Variants in NFKB1 observed in about 807,000 individuals in gnomAD.
NFKB1 encodes nuclear factor NF-kappa-B p105 subunit.
NFKB1 carries 9 observed loss-of-function variants against 105.1 expected under a neutral mutation model. The ratio of observed to expected loss-of-function variants is 0.09; its 90% confidence interval spans 0.05 to 0.15. The LOEUF (loss-of-function observed/expected upper bound fraction) is 0.15, where lower values mean the gene tolerates loss of function less well. Among genes scored for constraint, NFKB1 ranks in the 10% least tolerant of loss-of-function variants. NFKB1 has a pLI of 1.00. For missense variants in NFKB1, 830 were observed against 1,203.7 expected, an observed-to-expected ratio of 0.69 and a Z score of 4.59; for synonymous variants, 440 against 442.2, an observed-to-expected ratio of 1.00 and a Z score of 0.06.
intron 1 of NFKB1, among the ~76,000 whole-genome samples, chr4:102,515,619 A>G (rs1740125845): frequency 6.6e-6 from 1 of 151,890 alleles, no homozygotes; most frequent in Non-Finnish European, 1.5e-5. Context: ...GTATTTGTTT[A>G]TTACAATATG....
At position 102,522,643 on chromosome 4, in the gene NFKB1, C is replaced by A. The variant is rs17234923; in HGVS notation, c.-7-2869C>A. 8.4e-3 allele frequency among the ~76,000 whole-genome samples: 1,277 copies of A among 152,290 alleles called. 13 individuals carry two copies. Among genetic ancestry groups the A allele is most frequent in the Middle Eastern group, 0.014 (4 of 294 alleles). On this transcript the variant is annotated intron_variant, in intron 1 of 23. Transcript: ENST00000226574. ...TGTTTACATTCAGAAGTCTGGAAAACCATCCACAGGTTTAAATGTATATAA... is the reference window on the plus strand; with the variant it reads ...TGTTTACATTCAGAAGTCTGGAAAAACATCCACAGGTTTAAATGTATATAA...
chr4:102,560,304 TTAAAA>T (rs1333143040), intron 5 of NFKB1, among the ~76,000 whole-genome samples: 3 of 152,136 alleles, frequency 2.0e-5, no homozygotes, highest in Admixed American at 6.6e-5. Context: ...AAACTGAAAG[TTAAAA>T]TAAAAAAGGA....
intron 2 of NFKB1, among the ~76,000 whole-genome samples, chr4:102,526,201 A>G (rs1740901420): frequency 6.6e-6 from 1 of 152,094 alleles, no homozygotes; most frequent in Non-Finnish European, 1.5e-5. Context: ...AGTCACATTC[A>G]CAGGTACCGG....
intron 5 of NFKB1, among the ~76,000 whole-genome samples, chr4:102,538,278 A>T (rs527877016): frequency 7.0e-4 from 106 of 152,228 alleles, no homozygotes; most frequent in African/African-American, 2.3e-3. Flanking sequence ...GTTGATTTTG[A>T]CTCTTTGGAG....
intron 11 of NFKB1, among the ~76,000 whole-genome samples, chr4:102,592,348 A>C (rs1560702659): frequency 6.6e-6 from 1 of 152,198 alleles, no homozygotes; most frequent in Admixed American, 6.5e-5. Flanking sequence ...CTATAGAGAA[A>C]TCTTTTGTGA....
chr4:102,597,568 A>T lies in NFKB1; in HGVS notation c.1544A>T (p.Asn515Ile). 1 of 1,613,812 alleles carries T rather than the reference A, an allele frequency of 6.2e-7. No individual in the cohort carries two copies. The highest frequency in any genetic ancestry group is 8.5e-7 in the Non-Finnish European group (1 of 1,179,842). Residue 515 changes from asparagine (N) to isoleucine (I), a missense_variant, in exon 15 of 24, where the codon AAT becomes ATT. Asn to Ile is a moderately radical substitution (Grantham distance 149, BLOSUM62 -3). This residue lies in a region of NFKB1 where 418 missense variants were observed against 575.3 expected (regional missense o/e 0.73). Transcript: ENST00000226574. ...ATGCAGCTTGCAAAGAGGCATGCCAATGCCCTTTTCGACTACGCGGTGACA... is the reference window on the plus strand; with the variant it reads ...ATGCAGCTTGCAAAGAGGCATGCCATTGCCCTTTTCGACTACGCGGTGACA... ...KAMQLAKRHA[N>I]ALFDYAVTGD...
intron 5 of NFKB1, chr4:102,557,265 A>C (rs1002704517): frequency 2.0e-5 from 3 of 152,202 alleles, no homozygotes; most frequent in Non-Finnish European, 4.4e-5. Context: ...TATAGCAAAA[A>C]CTGTACTAGA....
chr4:102,521,026 A>C (rs1740537646), intron 1 of NFKB1, among the ~76,000 whole-genome samples: 1 of 152,200 alleles, frequency 6.6e-6, no homozygotes, highest in Non-Finnish European at 1.5e-5. Context: ...TATACAGATT[A>C]TATTGTATAC....
rs556999103 is a variant in NFKB1 at position 102,511,631 on chromosome 4, G to C, written c.-8+9843G>C. ...GTTGAGGCTTCAGTGAGCAGCGATT[G>C]TGCCACTGCAGTCCAGTCTAGGCAA... On this transcript the variant is annotated intron_variant, in intron 1 of 23. Coordinates refer to ENST00000226574, the MANE Select transcript of NFKB1 (RefSeq NM_003998.4). Among the ~76,000 whole-genome samples, 16 of 152,134 alleles carry C rather than the reference G, an allele frequency of 1.1e-4. 1 individual carries two copies. The South Asian group carries it at 2.9e-3, about 28-fold the overall frequency.
chr4:102,608,399 C>A (rs1728026222), intron 19 of NFKB1, among the ~76,000 whole-genome samples: 1 of 152,190 alleles, frequency 6.6e-6, no homozygotes, highest in Non-Finnish European at 1.5e-5. Flanking sequence ...CTTCAGGGTT[C>A]CAGTAAGTGA....
At chr4:102,519,036 A>T (rs998295223) in intron 1 of NFKB1, among the ~76,000 whole-genome samples, 1 of 151,802 alleles carries the variant, frequency 6.6e-6, no homozygotes, top group Non-Finnish European at 1.5e-5. Context: ...AGTGGCATAT[A>T]AAAAAAAGTG....
At chr4:102,598,877 C>A (rs1268653941) in intron 15 of NFKB1, among the ~76,000 whole-genome samples, 2 of 152,176 alleles carry the variant, frequency 1.3e-5, no homozygotes, top group Non-Finnish European at 2.9e-5. Flanking sequence ...TCCTAAGACC[C>A]AAGCACACTC....
intron 5 of NFKB1, among the ~76,000 whole-genome samples, chr4:102,555,459 C>G: frequency 6.6e-6 from 1 of 152,252 alleles, no homozygotes; most frequent in East Asian, 1.9e-4. Context: ...CCTTAAATAC[C>G]TGAATCACCA....
At chr4:102,539,249 A>G (rs1471832416) in intron 5 of NFKB1, among the ~76,000 whole-genome samples, 1 of 150,438 alleles carries the variant, frequency 6.6e-6, no homozygotes, top group Non-Finnish European at 1.5e-5. Context: ...AAAAAAAAAA[A>G]AAAAAAAAGA....
rs1725547760 is a variant in NFKB1 at position 102,584,335 on chromosome 4, TGGA to T, written c.928-344_928-342del. 1.3e-5 allele frequency among the ~76,000 whole-genome samples: 2 copies of T among 152,218 alleles called. 1 individual carries two copies. The highest frequency in any genetic ancestry group is 4.1e-4 in the South Asian group (2 of 4,834). ...TTTCTGATGTTGCTCTAAATAATCT[TGGA>T]GGCTTTTAAGGCTGCTTTGGAAGAG... On this transcript the variant is annotated intron_variant, in intron 10 of 23. Transcript: ENST00000226574.
At position 102,610,679 on chromosome 4, in the gene NFKB1, G is replaced by C. The variant is rs1728318826; in HGVS notation, c.2332G>C (p.Asp778His). The C allele has an allele frequency of 6.2e-7, 1 of 1,613,996 alleles. No homozygotes were observed. The highest frequency in any genetic ancestry group is 1.1e-5 in the South Asian group (1 of 91,078). Residue 778 changes from aspartate to histidine, a missense_variant, in exon 20 of 24, where the codon GAT (aspartate) becomes CAT (histidine). Around this residue, in one of 8 missense-constraint regions of NFKB1, gnomAD observed 418 missense variants for 575.3 expected, o/e 0.73. Transcript: ENST00000226574. ...EGVVPGTTPL[D>H]MATSWQVFDI... ...AGTTGTGCCTGGAACCACGCCTCTAGATATGGCCACCAGCTGGCAGGTGAG... is the reference window on the plus strand; with the variant it reads ...AGTTGTGCCTGGAACCACGCCTCTACATATGGCCACCAGCTGGCAGGTGAG...
intron 20 of NFKB1, among the ~76,000 whole-genome samples, chr4:102,611,607 T>C (rs184462241): frequency 6.6e-6 from 1 of 152,326 alleles, no homozygotes; most frequent in Admixed American, 6.5e-5. Context: ...CATCTAGACA[T>C]CTCAATTTGA....
intron 1 of NFKB1, among the ~76,000 whole-genome samples, chr4:102,504,229 T>G (rs1038938559): frequency 7.2e-5 from 11 of 152,306 alleles, no homozygotes; most frequent in African/African-American, 2.6e-4. Context: ...TCTTCGGGTC[T>G]TAGTAGATGT....
At chr4:102,554,113 A>G (rs1722812502) in intron 5 of NFKB1, among the ~76,000 whole-genome samples, 1 of 152,192 alleles carries the variant, frequency 6.6e-6, no homozygotes, top group African/African-American at 2.4e-5. Context: ...AGAGCTGGAA[A>G]ATGAGTGAGA....
Sources: gnomAD v4.1 joint callset for allele counts (sites outside exome capture counted in the v4.1 genomes callset) on GRCh38, gnomAD v4.1.1 for gene constraint, gnomAD v4.1.1 regional missense constraint, MANE v1.5 for transcripts, NCBI Gene and HGNC (gene_info 2026-07-23, HGNC 2026-07-21) for gene names.